The following CC2D2A variants were observed in gnomAD, a reference collection of about 807,000 sequenced individuals.
CC2D2A encodes the protein coiled-coil and C2 domain containing 2A, also known as coiled-coil and C2 domain-containing protein 2A.
CC2D2A carries 155 observed loss-of-function variants against 212.9 expected under a neutral mutation model. The ratio of observed to expected loss-of-function variants is 0.73; its 90% CI spans 0.64 to 0.83. CC2D2A has a LOEUF of 0.83. Ranked by LOEUF, CC2D2A falls within the 40% of genes least tolerant of loss-of-function variation. CC2D2A has a pLI of 0.00. For missense variants in CC2D2A, 1,856 were observed against 1,956.2 expected (o/e 0.95, Z 0.97); for synonymous variants, 667 against 686.5 (o/e 0.97, Z 0.44).
At chr4:15,487,370 T>G (rs144303434) in intron 4 of CC2D2A, among the ~76,000 whole-genome samples, 3 of 152,138 alleles carry the variant, frequency 2.0e-5, no homozygotes, top group African/African-American at 7.2e-5. Flanking sequence ...TCTTGATGAA[T>G]TGACCCCTTT....
intron 31 of CC2D2A, 110 bp from the exon 32 acceptor site, chr4:15,587,706 G>A: frequency 1.7e-6 from 1 of 603,032 alleles, no homozygotes; most frequent in Non-Finnish European, 3.0e-6. Context: ...AAGATTATAG[G>A]TCTTACACTT....
rs1714406189 is a variant in CC2D2A at position 15,478,730 on chromosome 4, T to C, written c.47T>C (p.Ile16Thr). 3 of 1,553,504 alleles carry C rather than the reference T, an allele frequency of 1.9e-6. No individual in the cohort carries two copies. Among genetic ancestry groups the C allele is most frequent in the Non-Finnish European group, 2.6e-6 (3 of 1,148,020 alleles). Residue 16 changes from isoleucine (I) to threonine (T), a missense_variant, in exon 3 of 37, where the codon ATT becomes ACT. Coordinates refer to ENST00000424120, the MANE Select transcript of CC2D2A (RefSeq NM_001378615.1). ...EKVKIITEEF[I>T]ENDEDADMGR... is the part of the protein sequence containing the mutation. ...TTTTGCATTTTCACAAAGGAGTTCA[T>C]TGAAAATGATGAGGATGCAGACATG... is the stretch of plus-strand genomic sequence containing the variant.
intron 18 of CC2D2A, 149 bp downstream of exon 18, chr4:15,551,129 C>A: frequency 3.1e-6 from 2 of 649,222 alleles, no homozygotes; most frequent in Non-Finnish European, 4.7e-6. Flanking sequence ...AACTTTTTGC[C>A]AAGTTGCTTT....
At chr4:15,564,871 G>T (rs1719810913) in intron 24 of CC2D2A, among the ~76,000 whole-genome samples, 1 of 151,618 alleles carries the variant, frequency 6.6e-6, no homozygotes, top group African/African-American at 2.4e-5. Flanking sequence ...GAGACAGGCT[G>T]TCCCCATTTT....
intron 33 of CC2D2A, among the ~76,000 whole-genome samples, chr4:15,594,838 T>G (rs1220284075): frequency 6.6e-6 from 1 of 152,134 alleles, no homozygotes; most frequent in Non-Finnish European, 1.5e-5. Flanking sequence ...GAACTTGCTG[T>G]CATCCAGGCT....
chr4:15,564,058 T>C (rs2109066106), intron 24 of CC2D2A: 1 of 155,470 alleles, frequency 6.4e-6, no homozygotes, highest in Admixed American at 6.3e-5. Context: ...AAAAGGTGTC[T>C]GTCCAAGGTT....
chr4:15,527,222 T>C (rs1259186583), intron 11 of CC2D2A, among the ~76,000 whole-genome samples: 1 of 152,232 alleles, frequency 6.6e-6, no homozygotes, highest in Admixed American at 6.5e-5. Flanking sequence ...GAAAGCAAGA[T>C]TGAAATGGTT....
chr4:15,508,999 G>C (rs770664684), intron 6 of CC2D2A, among the ~76,000 whole-genome samples: 1 of 152,130 alleles, frequency 6.6e-6, no homozygotes, highest in Non-Finnish European at 1.5e-5. Context: ...TAGAAGGAGA[G>C]ATGGGTAAGA....
chr4:15,522,423 A>G (rs1717263621), intron 11 of CC2D2A, among the ~76,000 whole-genome samples: 1 of 152,192 alleles, frequency 6.6e-6, no homozygotes, highest in African/African-American at 2.4e-5. Context: ...CTATTGACTC[A>G]AATGATGGAT....
intron 11 of CC2D2A, among the ~76,000 whole-genome samples, chr4:15,522,891 G>A (rs1717291740): frequency 6.6e-6 from 1 of 151,932 alleles, no homozygotes; most frequent in Non-Finnish European, 1.5e-5. Flanking sequence ...GGCCGAGGTG[G>A]GCAGATCACC....
chr4:15,477,154 T>C (rs947139141), intron 2 of CC2D2A, among the ~76,000 whole-genome samples: 4 of 151,890 alleles, frequency 2.6e-5, no homozygotes, highest in Non-Finnish European at 5.9e-5. Context: ...AATACAAAAT[T>C]AGTCAGGCGT....
rs958627228 is a variant in CC2D2A, at chr4:15,475,777, G to T, written c.-18-138G>T. On this transcript the variant is annotated intron_variant, in intron 1 of 36. Coordinates refer to ENST00000424120, the MANE Select transcript of CC2D2A (RefSeq NM_001378615.1). ...TCTCCACCAATCCTGGGGTCTGCCA[G>T]GGTTCCTGGTGAGTGGAAAGTCTAC... is the stretch of plus-strand genomic sequence containing the variant. 6 of 686,320 alleles carry T rather than the reference G, an allele frequency of 8.7e-6. No homozygotes were observed. In the African/African-American group the frequency reaches 1.1e-4, roughly 12 times the overall value. 42.5% of individuals were successfully genotyped at this position (686,320 alleles called of 1,614,324 possible).
At position 15,555,111 on chromosome 4, in the gene CC2D2A, A is replaced by G. The variant is rs886059158; in HGVS notation, c.2526A>G (p.Thr842=). ...CAGATGCCATCTCATCTATTGGCAC[A>G]TCAGGACTGACAGACATGAAAAAAT... ...KKADAISSIG[T]SGLTDMKKLA... The change falls in exon 20 of 37, where the codon ACA becomes ACG. Residue 842 remains threonine, a synonymous_variant. Coordinates refer to ENST00000424120, the MANE Select transcript of CC2D2A (RefSeq NM_001378615.1). The G allele has an allele frequency of 2.0e-5, 33 of 1,613,614 alleles. No individual in the cohort carries two copies. Among genetic ancestry groups the G allele is most frequent in the Non-Finnish European group, 2.8e-5 (33 of 1,179,800 alleles).
chr4:15,546,400 A>T (rs536120384), intron 17 of CC2D2A, among the ~76,000 whole-genome samples: 4 of 152,300 alleles, frequency 2.6e-5, no homozygotes, highest in Middle Eastern at 3.4e-3. Context: ...ATTTTTTAAC[A>T]TTATCATTTT....
chr4:15,494,788 A>G (rs1199919904), intron 4 of CC2D2A, among the ~76,000 whole-genome samples: 1 of 152,252 alleles, frequency 6.6e-6, no homozygotes, highest in Non-Finnish European at 1.5e-5. Flanking sequence ...TCAAAATTTG[A>G]AAGTTTTTAA....
chr4:15,518,569 G>A (rs189772430), intron 11 of CC2D2A, among the ~76,000 whole-genome samples: 20 of 152,282 alleles, frequency 1.3e-4, no homozygotes, highest in Admixed American at 3.3e-4. Flanking sequence ...AGCTCCAACC[G>A]CACATTTCCC....
chr4:15,580,606 C>A (rs1463363388), intron 30 of CC2D2A, among the ~76,000 whole-genome samples: 2 of 135,572 alleles, frequency 1.5e-5, no homozygotes, highest in African/African-American at 5.7e-5. Flanking sequence ...TCATTGCACT[C>A]TAGCCTGGGT....
chr4:15,570,909 A>C lies in CC2D2A; in HGVS notation c.3594+413A>C, dbSNP rs184227342. On this transcript the variant is annotated intron_variant, in intron 28 of 36. Coordinates refer to ENST00000424120, the MANE Select transcript of CC2D2A (RefSeq NM_001378615.1). ...TGTCAGAAAAAACAAAAACAAAAACAAACAAAAAAACTTTCTTTGTGCGAT... is the reference window on the plus strand; with the variant it reads ...TGTCAGAAAAAACAAAAACAAAAACCAACAAAAAAACTTTCTTTGTGCGAT... Among the ~76,000 whole-genome samples, 395 of 152,196 alleles carry C rather than the reference A, an allele frequency of 2.6e-3. 3 individuals carry two copies. The highest frequency in any genetic ancestry group is 9.1e-3 in the African/African-American group (379 of 41,522).
At chr4:15,496,149 A>G (rs947660394) in intron 4 of CC2D2A, among the ~76,000 whole-genome samples, 2 of 152,092 alleles carry the variant, frequency 1.3e-5, no homozygotes, top group African/African-American at 4.8e-5. Flanking sequence ...TCAGTTGCAT[A>G]GTTTGCAAAT....
Sources: gnomAD v4.1 joint callset for allele counts (sites outside exome capture counted in the v4.1 genomes callset) on GRCh38, gnomAD v4.1.1 for gene constraint, MANE v1.5 for transcripts, NCBI Gene and HGNC (gene_info 2026-07-23, HGNC 2026-07-21) for gene names.